STAT1: variants seen among roughly 807,000 people sequenced by gnomAD.
STAT1 encodes signal transducer and activator of transcription 1-alpha/beta.
Under a neutral mutation model 111.7 loss-of-function variants are expected in STAT1, and 24 were observed. That is an observed-to-expected ratio of 0.21 (90% CI 0.16 to 0.30). The LOEUF (loss-of-function observed/expected upper bound fraction) is 0.30. Among genes scored for constraint, STAT1 ranks in the 10% least tolerant of loss-of-function variants. The pLI, the probability that STAT1 is intolerant of heterozygous loss-of-function variation, is 1.00. For synonymous variants in STAT1, 332 were observed against 326.5 expected (o/e 1.02, Z -0.18); for missense variants, 351 against 911.9 (o/e 0.38, Z 7.92).
At position 190,980,847 on chromosome 2, in the gene STAT1, C is replaced by T. The variant is rs970032100; in HGVS notation, c.1583-178G>A. On this transcript the variant is annotated intron_variant, in intron 18 of 24. Coordinates refer to ENST00000361099, the MANE Select transcript of STAT1 (RefSeq NM_007315.4). This position sits in a 1 kb window ranked among gnomAD's most constrained non-coding sequence, Gnocchi z 6.1. Reference sequence around the variant, plus strand: ...CCAAATTAACTGAGCAATTATAATACGTGCTGTAAGAGGGCGGAATTTAAA... The same window carrying T: ...CCAAATTAACTGAGCAATTATAATATGTGCTGTAAGAGGGCGGAATTTAAA... 6.6e-6 allele frequency among the ~76,000 whole-genome samples: 1 copy of T among 152,250 alleles called. No homozygotes were observed. Among genetic ancestry groups the T allele is most frequent in the South Asian group, 2.1e-4 (1 of 4,818 alleles).
chr2:191,000,271 T>A lies in STAT1; in HGVS notation c.463-567A>T, dbSNP rs1376376264. Reference sequence around the variant, plus strand: ...GGTCACATTTCCACATATTCTTCTCTGGATTTCCATGGCTATTTCTGGACT... The same window carrying A: ...GGTCACATTTCCACATATTCTTCTCAGGATTTCCATGGCTATTTCTGGACT... On this transcript the variant is annotated intron_variant, in intron 6 of 24. Transcript: ENST00000361099. This position sits in a 1 kb window ranked among gnomAD's most constrained non-coding sequence, Gnocchi z 4.8. Among the ~76,000 whole-genome samples, 1 of 152,234 alleles carries A rather than the reference T, an allele frequency of 6.6e-6. No individual in the cohort carries two copies. The highest frequency in any genetic ancestry group is 1.5e-5 in the Non-Finnish European group (1 of 68,038).
chr2:190,999,496 C>T lies in STAT1; in HGVS notation c.541+130G>A, dbSNP rs760844763. 5.5e-6 allele frequency: 4 copies of T among 731,424 alleles called. No individual in the cohort carries two copies. Among genetic ancestry groups the T allele is most frequent in the Non-Finnish European group, 9.9e-6 (4 of 405,162 alleles). 45.3% of individuals were successfully genotyped at this position (731,424 alleles called of 1,614,324 possible). ...AATATTGGATGTTGAGAAGCCCTGG[C>T]CTGGGTTATCAAGGAAGAATTCAGA... On this transcript the variant is annotated intron_variant, in intron 7 of 24. Transcript: ENST00000361099. The surrounding 1 kb of genome is among the most constrained non-coding windows in gnomAD (Gnocchi z 4.1).
chr2:190,999,590 C>T lies in STAT1; in HGVS notation c.541+36G>A, dbSNP rs747711417. 40 of 1,483,518 alleles carry T rather than the reference C, an allele frequency of 2.7e-5. No individual in the cohort carries two copies. Among genetic ancestry groups the T allele is most frequent in the Non-Finnish European group, 3.8e-5 (40 of 1,061,346 alleles). The allele number at this position is 1,483,518 out of a possible 1,614,324, so 91.9% of individuals were successfully genotyped here. On this transcript the variant is annotated intron_variant, in intron 7 of 24. Transcript: ENST00000361099. This position sits in a 1 kb window ranked among gnomAD's most constrained non-coding sequence, Gnocchi z 4.1. ...TATCTAGTGTGAACAGAAAAAATTG[C>T]AGCCAACGGGCACCACTTCAGTTGT... is the stretch of plus-strand genomic sequence containing the variant.
chr2:190,978,826 G>C lies in STAT1; in HGVS notation c.1873+30C>G. 6.2e-7 allele frequency: 1 copy of C among 1,612,440 alleles called. No individual in the cohort carries two copies. Among genetic ancestry groups the C allele is most frequent in the Admixed American group, 1.7e-5 (1 of 59,912 alleles). On this transcript the variant is annotated intron_variant, in intron 21 of 24. Transcript: ENST00000361099. The surrounding 1 kb of genome is among the most constrained non-coding windows in gnomAD (Gnocchi z 6.1). ...AGAGGGACTTCACACACATGGAATG[G>C]TGGGACTATGTGCTCAAACTCCCAC...
In STAT1 at chr2:190,991,151, A is replaced by T. The variant is rs1050158881; in HGVS notation, c.1037+77T>A. ...TATTTCCTCAAAAGCACCCTATATA[A>T]CAGTTTTTATAAAAGGAAACTAGGG... On this transcript the variant is annotated intron_variant, in intron 11 of 24. Coordinates refer to ENST00000361099, the MANE Select transcript of STAT1 (RefSeq NM_007315.4). The T allele has an allele frequency of 5.1e-5, 71 of 1,383,020 alleles. No individual in the cohort carries two copies. In the African/African-American group the frequency reaches 9.2e-4, roughly 18 times the overall value. 85.7% of individuals were successfully genotyped at this position (1,383,020 alleles called of 1,614,324 possible). A position where few individuals can be genotyped will look rare whatever the true frequency, so the allele number is the denominator to read the frequency against.
rs1691945103 is a variant in STAT1, at chr2:190,976,873, C to A, written c.2026G>T (p.Ala676Ser). ...GGCCTGGAGTAATACTTTCCAAAGGCATGGTCTTTGTCAATATTTGGATAC... is the reference window on the plus strand; with the variant it reads ...GGCCTGGAGTAATACTTTCCAAAGGAATGGTCTTTGTCAATATTTGGATAC... The part of the protein sequence containing the change: ...YLYPNIDKDH[A>S]FGKYYSRPKE... The change falls in exon 22 of 25, where the codon GCC (alanine) becomes TCC (serine). Residue 676 changes from alanine to serine, a missense_variant. Ala to Ser is a moderately conservative substitution (Grantham distance 99). Coordinates refer to ENST00000361099, the MANE Select transcript of STAT1 (RefSeq NM_007315.4). The surrounding 1 kb of genome is among the most constrained non-coding windows in gnomAD (Gnocchi z 6.0). 1 of 1,614,084 alleles carries A rather than the reference C, an allele frequency of 6.2e-7. No individual in the cohort carries two copies.
chr2:190,994,525 G>A (rs1693664910), intron 10 of STAT1, among the ~76,000 whole-genome samples: 1 of 152,166 alleles, frequency 6.6e-6, no homozygotes, highest in Non-Finnish European at 1.5e-5. Context: ...CTCAGCCAAA[G>A]GGGAAGGAGG....
At position 190,984,494 on chromosome 2, in the gene STAT1, G is replaced by T. The variant is rs1692634126; in HGVS notation, c.1264-101C>A. On this transcript the variant is annotated intron_variant, in intron 15 of 24. Transcript: ENST00000361099. The surrounding 1 kb of genome is among the most constrained non-coding windows in gnomAD (Gnocchi z 5.2). ...TTGCAACAGGCCACAGAGATCCTGG[G>T]CCCAATCAGTGGCAAGTCTGAAGAC... is the stretch of plus-strand genomic sequence containing the variant. 8.2e-6 allele frequency: 8 copies of T among 979,554 alleles called. No individual in the cohort carries two copies. Among genetic ancestry groups the T allele is most frequent in the African/African-American group, 1.6e-5 (1 of 62,362 alleles). The allele number at this position is 979,554 out of a possible 1,614,324, so 60.7% of individuals were successfully genotyped here. A position where few individuals can be genotyped will look rare whatever the true frequency, so the allele number is the denominator to read the frequency against.
At chr2:191,013,861 C>G (rs1276645500) in intron 1 of STAT1, 157 bp downstream of exon 1, 1 of 391,238 alleles carries the variant, frequency 2.6e-6, no homozygotes, top group Admixed American at 4.4e-5. Flanking sequence ...GGTGGCACTG[C>G]TCGCACTTGG....
Position 190,970,616 on chromosome 2 carries a change from C to G in STAT1, c.*87G>C. ...GGCCTTTCTTTCATTTCCCTAGAAA[C>G]ACAGGATGTGAAGGAACAGAGTAGC... On this transcript the variant is annotated 3_prime_UTR_variant, in exon 25 of 25. Transcript: ENST00000361099. The surrounding 1 kb of genome is among the most constrained non-coding windows in gnomAD (Gnocchi z 5.4). The G allele has an allele frequency of 6.8e-7, 1 of 1,462,562 alleles. No homozygotes were observed. The highest frequency in any genetic ancestry group is 9.6e-7 in the Non-Finnish European group (1 of 1,043,852). The allele number at this position is 1,462,562 out of a possible 1,614,324, so 90.6% of individuals were successfully genotyped here.
Position 190,973,900 on chromosome 2 carries a change from C to T in STAT1, c.2238+930G>A, listed in dbSNP as rs139156493. Among the ~76,000 whole-genome samples, 3 of 152,278 alleles carry T rather than the reference C, an allele frequency of 2.0e-5. No homozygotes were observed. Among genetic ancestry groups the T allele is most frequent in the Admixed American group, 1.3e-4 (2 of 15,304 alleles). On this transcript the variant is annotated intron_variant, in intron 24 of 24. Transcript: ENST00000361099. The surrounding 1 kb of genome is among the most constrained non-coding windows in gnomAD (Gnocchi z 4.4). ...AGATCTTACTGAGGCCTTATCATCG[C>T]ATTCCCCAAATGTCTGAAGAGTGAC...
At position 190,998,681 on chromosome 2, in the gene STAT1, C is replaced by CA. The variant is rs80316898; in HGVS notation, c.542-374dup. 9.9e-4 allele frequency among the ~76,000 whole-genome samples: 134 copies of CA among 135,604 alleles called. No homozygotes were observed. Among genetic ancestry groups the CA allele is most frequent in the Admixed American group, 3.0e-3 (42 of 13,838 alleles). 89.0% of individuals were successfully genotyped at this position (135,604 alleles called of 152,430 possible). A position where few individuals can be genotyped will look rare whatever the true frequency, so the allele number is the denominator to read the frequency against. On this transcript the variant is annotated intron_variant, in intron 7 of 24. Transcript: ENST00000361099. This position sits in a 1 kb window ranked among gnomAD's most constrained non-coding sequence, Gnocchi z 4.1. ...CGTCTCCAAAAAAAAACAAAAAAAACAAAAAAAAAACAAAAAAAACTTGTT... is the reference window on the plus strand; with the variant it reads ...CGTCTCCAAAAAAAAACAAAAAAAACAAAAAAAAAAACAAAAAAAACTTGTT...
At chr2:191,010,971 G>T (rs114790779) in intron 2 of STAT1, among the ~76,000 whole-genome samples, 707 of 152,318 alleles carry the variant, frequency 4.6e-3, no homozygotes, top group Non-Finnish European at 8.1e-3. Context: ...TCAGCACACA[G>T]GTGGCAATAT....
Position 190,980,754 on chromosome 2 carries a change from C to G in STAT1, c.1583-85G>C. ...GACGGATGGCTCTTGTATTTGCTCT[C>G]AAGGAAAAGAGCCAAACACCCAACA... is the stretch of plus-strand genomic sequence containing the variant. On this transcript the variant is annotated intron_variant, in intron 18 of 24. Coordinates refer to ENST00000361099, the MANE Select transcript of STAT1 (RefSeq NM_007315.4). This position sits in a 1 kb window ranked among gnomAD's most constrained non-coding sequence, Gnocchi z 6.1. 2 of 1,379,918 alleles carry G rather than the reference C, an allele frequency of 1.4e-6. No homozygotes were observed. 85.5% of individuals were successfully genotyped at this position (1,379,918 alleles called of 1,614,324 possible).
chr2:190,986,375 G>A lies in STAT1; in HGVS notation c.1221+479C>T, dbSNP rs192004424. Among the ~76,000 whole-genome samples the A allele has an allele frequency of 2.0e-4, 31 of 152,298 alleles. No homozygotes were observed. Among genetic ancestry groups the A allele is most frequent in the Admixed American group, 1.8e-3 (27 of 15,300 alleles). Reference sequence around the variant, plus strand: ...TCCTGCTGGGTCTCCACTGCCTGGGGAATGAGCCCTACTGCCCTGGAGAAA... The same window carrying A: ...TCCTGCTGGGTCTCCACTGCCTGGGAAATGAGCCCTACTGCCCTGGAGAAA... On this transcript the variant is annotated intron_variant, in intron 14 of 24. Transcript: ENST00000361099. This position sits in a 1 kb window ranked among gnomAD's most constrained non-coding sequence, Gnocchi z 5.0.
chr2:190,980,665 A>T lies in STAT1; in HGVS notation c.1587T>A (p.Pro529=). The part of the protein sequence containing the change: ...LNMLGEKLLG[P]NASPDGLIPW... ...GAATGAGACCATCGGGGCTGGCGTTAGGACCTAAACAAATAAAAACCAGAT... is the reference window on the plus strand; with the variant it reads ...GAATGAGACCATCGGGGCTGGCGTTTGGACCTAAACAAATAAAAACCAGAT... The change falls in exon 19 of 25, where the codon CCT becomes CCA. Residue 529 remains proline, a synonymous_variant. Transcript: ENST00000361099. This position sits in a 1 kb window ranked among gnomAD's most constrained non-coding sequence, Gnocchi z 6.1. 6.2e-7 allele frequency: 1 copy of T among 1,614,224 alleles called. No individual in the cohort carries two copies. The highest frequency in any genetic ancestry group is 8.5e-7 in the Non-Finnish European group (1 of 1,180,022).
In STAT1 at chr2:190,986,058, T is replaced by C. The variant is rs1692788894; in HGVS notation, c.1222-398A>G. ...AGGTCCACCTGCCCTCAAGTGGACG[T>C]CAATCTCTGAGCTGTCAATCCCTGA... On this transcript the variant is annotated intron_variant, in intron 14 of 24. Coordinates refer to ENST00000361099, the MANE Select transcript of STAT1 (RefSeq NM_007315.4). The surrounding 1 kb of genome is among the most constrained non-coding windows in gnomAD (Gnocchi z 5.0). Among the ~76,000 whole-genome samples, 1 of 152,140 alleles carries C rather than the reference T, an allele frequency of 6.6e-6. No individual in the cohort carries two copies. Among genetic ancestry groups the C allele is most frequent in the Non-Finnish European group, 1.5e-5 (1 of 68,016 alleles).
rs1692145571 is a variant in STAT1, at chr2:190,979,177, T to C, written c.1728-176A>G. ...CTTAAGGAAGCATTTCACTTATACA[T>C]GTATATACTAAGGTTTTAAAAAAAG... On this transcript the variant is annotated intron_variant, in intron 20 of 24. Transcript: ENST00000361099. This position sits in a 1 kb window ranked among gnomAD's most constrained non-coding sequence, Gnocchi z 5.8. Among the ~76,000 whole-genome samples, 2 of 152,350 alleles carry C rather than the reference T, an allele frequency of 1.3e-5. No homozygotes were observed. The highest frequency in any genetic ancestry group is 1.9e-4 in the East Asian group (1 of 5,192).
At position 190,994,927 on chromosome 2, in the gene STAT1, AATATATAT is replaced by A. The variant is rs1159903683; in HGVS notation, c.944+126_944+133del. On this transcript the variant is annotated intron_variant, in intron 10 of 24. Coordinates refer to ENST00000361099, the MANE Select transcript of STAT1 (RefSeq NM_007315.4). Reference sequence around the variant, plus strand: ...GAGACTCTATCTCAAAAAAAAAAAAAATATATATATATATATATATATATATATATAAA... The same window carrying A: ...GAGACTCTATCTCAAAAAAAAAAAAAATATATATATATATATATATATAAA... 7.5e-3 allele frequency: 1,018 copies of A among 134,988 alleles called. 26 individuals carry two copies. Among genetic ancestry groups the A allele is most frequent in the African/African-American group, 0.023 (578 of 25,130 alleles). 8.4% of individuals were successfully genotyped at this position (134,988 alleles called of 1,614,324 possible). A position where few individuals can be genotyped will look rare whatever the true frequency, so the allele number is the denominator to read the frequency against.
Sources: gnomAD v4.1 joint callset for allele counts (sites outside exome capture counted in the v4.1 genomes callset) on GRCh38, gnomAD v4.1.1 for gene constraint, Gnocchi (gnomAD v3.1) non-coding constraint, MANE v1.5 for transcripts, NCBI Gene and HGNC (gene_info 2026-07-23, HGNC 2026-07-21) for gene names.